Variants in GRM8 observed in about 807,000 individuals in gnomAD.
The protein encoded by GRM8 is glutamate metabotropic receptor 8, also known as metabotropic glutamate receptor 8.
GRM8 carries 47 observed loss-of-function variants against 87.2 expected under a neutral mutation model. That is an observed-to-expected ratio of 0.54 (90% CI 0.43 to 0.69). The LOEUF is 0.69. Among genes scored for constraint, GRM8 ranks in the 30% least tolerant of loss-of-function variants. GRM8 has a pLI of 0.00. For missense variants in GRM8, 1,019 were observed against 1,139.2 expected, an observed-to-expected ratio of 0.89 and a Z score of 1.52; for synonymous variants, 396 against 404.5, an observed-to-expected ratio of 0.98 and a Z score of 0.25.
At chr7:127,117,456 G>T (rs1344140127) in intron 2 of GRM8, among the ~76,000 whole-genome samples, 1 of 152,142 alleles carries the variant, frequency 6.6e-6, no homozygotes, top group African/African-American at 2.4e-5. Flanking sequence ...CAGTTTCTTT[G>T]ATATCTTCTT....
At chr7:126,448,170 C>A (rs1323918737) in intron 9 of GRM8, among the ~76,000 whole-genome samples, 1 of 151,848 alleles carries the variant, frequency 6.6e-6, no homozygotes, top group Non-Finnish European at 1.5e-5. Context: ...TGGCAAAGTA[C>A]AAACCACACC....
intron 2 of GRM8, among the ~76,000 whole-genome samples, chr7:127,169,183 A>G: frequency 6.6e-6 from 1 of 152,178 alleles, no homozygotes; most frequent in East Asian, 1.9e-4. Flanking sequence ...AGTCGTGAAT[A>G]TGAAGAAAAA....
chr7:126,452,415 G>A (rs540982094), intron 9 of GRM8, among the ~76,000 whole-genome samples: 5 of 139,194 alleles, frequency 3.6e-5, no homozygotes, highest in South Asian at 2.4e-4. Context: ...CACACGTACC[G>A]TAAAACTTAA....
intron 3 of GRM8, among the ~76,000 whole-genome samples, chr7:127,005,375 A>G (rs935237238): frequency 1.3e-5 from 2 of 151,618 alleles, no homozygotes; most frequent in Non-Finnish European, 3.0e-5. Context: ...AATTCCCTGA[A>G]AACACAGATT....
intron 3 of GRM8, among the ~76,000 whole-genome samples, chr7:126,919,152 A>C (rs1215095683): frequency 1.3e-5 from 2 of 152,052 alleles, no homozygotes; most frequent in South Asian, 2.1e-4. Flanking sequence ...ATGGCATGCT[A>C]TCCTCTTCTC....
intron 7 of GRM8, among the ~76,000 whole-genome samples, chr7:126,652,189 C>T (rs911935043): frequency 6.6e-6 from 1 of 152,056 alleles, no homozygotes; most frequent in African/African-American, 2.4e-5. Context: ...TTCATATTAG[C>T]GTTTAAGTAT....
chr7:126,628,780 A>G (rs917492825), intron 7 of GRM8, among the ~76,000 whole-genome samples: 6 of 152,168 alleles, frequency 3.9e-5, no homozygotes, highest in African/African-American at 1.4e-4. Context: ...TGGGGACATA[A>G]GAGTGTTTTC....
chr7:127,042,966 C>A (rs1818572629), intron 3 of GRM8, among the ~76,000 whole-genome samples: 1 of 152,178 alleles, frequency 6.6e-6, no homozygotes, highest in Non-Finnish European at 1.5e-5. Flanking sequence ...TATGAACAGA[C>A]ACTTCTCAAA....
chr7:126,793,230 A>G (rs1160677007), intron 6 of GRM8, among the ~76,000 whole-genome samples: 1 of 152,202 alleles, frequency 6.6e-6, no homozygotes, highest in African/African-American at 2.4e-5. Context: ...CTTTAAAAAA[A>G]TTAAGTAATC....
chr7:126,789,859 A>C (rs1391998279), intron 6 of GRM8, among the ~76,000 whole-genome samples: 1 of 152,212 alleles, frequency 6.6e-6, no homozygotes, highest in East Asian at 1.9e-4. Context: ...AGGTATAGAT[A>C]TATCTGGAAA....
At chr7:126,655,813 G>A (rs7792700) in intron 7 of GRM8, among the ~76,000 whole-genome samples, 46,704 of 151,976 alleles carry the variant, frequency 0.31, 8,035 homozygotes, top group East Asian at 0.43. Context: ...TCCACATGTG[G>A]TTTAACTGAC....
intron 3 of GRM8, among the ~76,000 whole-genome samples, chr7:126,988,090 C>T (rs534869128): frequency 6.6e-6 from 1 of 151,462 alleles, no homozygotes; most frequent in Non-Finnish European, 1.5e-5. Flanking sequence ...AAAAAAATGA[C>T]AACACAGATG....
intron 3 of GRM8, among the ~76,000 whole-genome samples, chr7:126,988,641 G>A (rs1162104570): frequency 6.6e-6 from 1 of 152,080 alleles, no homozygotes; most frequent in African/African-American, 2.4e-5. Context: ...CCAGATTTTT[G>A]TCAAATTCAA....
At chr7:126,939,017 G>A (rs117968240) in intron 3 of GRM8, among the ~76,000 whole-genome samples, 685 of 152,208 alleles carry the variant, frequency 4.5e-3, no homozygotes, top group Non-Finnish European at 6.6e-3. Context: ...TTGGGGCAAT[G>A]CCCAGTTCAT....
intron 3 of GRM8, chr7:127,076,063 A>G: frequency 2.3e-6 from 1 of 431,468 alleles, no homozygotes; most frequent in South Asian, 1.7e-5. Flanking sequence ...TGTCAAAAAC[A>G]TTGTATGTAA....
At chr7:126,489,959 T>C (rs566091853) in intron 9 of GRM8, among the ~76,000 whole-genome samples, 2 of 152,184 alleles carry the variant, frequency 1.3e-5, no homozygotes, top group East Asian at 3.9e-4. Flanking sequence ...TTCTGGTTCT[T>C]GGGCCTTTGA....
chr7:126,531,943 G>C (rs1251985690), intron 9 of GRM8, among the ~76,000 whole-genome samples: 1 of 152,138 alleles, frequency 6.6e-6, no homozygotes, highest in Non-Finnish European at 1.5e-5. Flanking sequence ...TCAGAGGATG[G>C]AACAATCAAG....
intron 7 of GRM8, among the ~76,000 whole-genome samples, chr7:126,737,846 T>C (rs1814413920): frequency 6.6e-6 from 1 of 152,080 alleles, no homozygotes; most frequent in Non-Finnish European, 1.5e-5. Flanking sequence ...TGCAATTCAA[T>C]TGCAGTATGG....
intron 8 of GRM8, among the ~76,000 whole-genome samples, chr7:126,582,328 T>A (rs1375203361): frequency 6.6e-6 from 1 of 152,140 alleles, no homozygotes; most frequent in African/African-American, 2.4e-5. Flanking sequence ...AGGTCCTAAT[T>A]CTTTTAAGTC....
Sources: allele counts gnomAD v4.1 joint callset (sites outside exome capture counted in the v4.1 genomes callset), GRCh38; gene constraint gnomAD v4.1.1; transcripts MANE v1.5; gene names NCBI Gene and HGNC (gene_info 2026-07-23, HGNC 2026-07-21).